Variants in PBRM1 observed in about 807,000 individuals in gnomAD.
PBRM1 encodes the protein polybromo 1.
Under a neutral mutation model 194.5 loss-of-function variants are expected in PBRM1, and 27 were observed. That is an observed-to-expected ratio of 0.14 (90% CI 0.10 to 0.19). The LOEUF is 0.19. PBRM1 is among the 10% of genes least tolerant of loss of function. PBRM1 has a pLI of 1.00. For synonymous variants in PBRM1, 655 were observed against 693.2 expected, an observed-to-expected ratio of 0.94 and a Z score of 0.87; for missense variants, 1,466 against 2,077.2, an observed-to-expected ratio of 0.71 and a Z score of 5.72.
chr3:52,587,160 A>G (rs2092508359), intron 19 of PBRM1, among the ~76,000 whole-genome samples, 193 bp downstream of exon 21: 1 of 152,242 alleles, frequency 6.6e-6, no homozygotes, highest in South Asian at 2.1e-4. Flanking sequence ...CAAATAGTGT[A>G]AGCAGCAAGT....
chr3:52,599,125 G>A (rs944868805), intron 17 of PBRM1, among the ~76,000 whole-genome samples: 1 of 152,160 alleles, frequency 6.6e-6, no homozygotes, highest in Admixed American at 6.5e-5. Flanking sequence ...AGGAGGTTGA[G>A]GGTGTAGTGA....
intron 17 of PBRM1, among the ~76,000 whole-genome samples, chr3:52,595,921 T>C (rs2093492816): frequency 6.6e-6 from 1 of 152,196 alleles, no homozygotes; most frequent in Non-Finnish European, 1.5e-5. Context: ...TGTATATTCT[T>C]GGCACTGTTG....
intron 16 of PBRM1, among the ~76,000 whole-genome samples, chr3:52,608,228 G>A (rs1327856167): frequency 1.3e-5 from 2 of 152,188 alleles, no homozygotes; most frequent in East Asian, 1.9e-4. Flanking sequence ...CCTGGTAACT[G>A]GCTCAGGAGT....
At chr3:52,578,245 C>A (rs1394180125) in intron 21 of PBRM1, among the ~76,000 whole-genome samples, 1 of 152,200 alleles carries the variant, frequency 6.6e-6, no homozygotes, top group Non-Finnish European at 1.5e-5. Flanking sequence ...CGTATCATGA[C>A]CTAACATACT....
At chr3:52,648,515 C>A (rs2096393314) in intron 6 of PBRM1, 73 bp from the exon 8 acceptor site, 1 of 739,840 alleles carries the variant, frequency 1.4e-6, no homozygotes, top group South Asian at 1.9e-5. Flanking sequence ...AAAAAGAACC[C>A]CACATATTTC....
upstream of PBRM1, among the ~76,000 whole-genome samples, chr3:52,680,126 C>A (rs1407225749): frequency 6.6e-6 from 1 of 152,114 alleles, no homozygotes; most frequent in African/African-American, 2.4e-5. Flanking sequence ...AAGGTATCCA[C>A]CTCTGGAGTC....
intron 17 of PBRM1, among the ~76,000 whole-genome samples, chr3:52,595,926 C>T (rs1473156494): frequency 6.6e-6 from 1 of 152,140 alleles, no homozygotes. Flanking sequence ...ATTCTTGGCA[C>T]TGTTGTCAAA....
intron 12 of PBRM1, among the ~76,000 whole-genome samples, chr3:52,628,452 A>G (rs925398430): frequency 7.1e-6 from 1 of 140,792 alleles, no homozygotes; most frequent in Non-Finnish European, 1.5e-5. Context: ...TAAAATACAT[A>G]TTTTATATAT....
chr3:52,556,456 A>G (rs1260512625), intron 26 of PBRM1, among the ~76,000 whole-genome samples: 2 of 152,330 alleles, frequency 1.3e-5, no homozygotes, highest in African/African-American at 4.8e-5. Flanking sequence ...ATTTAGGGTT[A>G]AGTAGGCGGG....
At chr3:52,571,665 G>A (rs1458711737) in intron 22 of PBRM1, among the ~76,000 whole-genome samples, 1 of 147,694 alleles carries the variant, frequency 6.8e-6, no homozygotes, top group African/African-American at 2.5e-5. Context: ...TTTATTCCTA[G>A]GTATTGAATG....
chr3:52,619,804 T>A (rs999503783), intron 13 of PBRM1, among the ~76,000 whole-genome samples: 1 of 152,220 alleles, frequency 6.6e-6, no homozygotes, highest in African/African-American at 2.4e-5. Flanking sequence ...AAAATAAACA[T>A]CTATCCTTAA....
At chr3:52,549,858 T>C (rs1335115915) in intron 29 of PBRM1, among the ~76,000 whole-genome samples, 3 of 151,764 alleles carry the variant, frequency 2.0e-5, no homozygotes, top group Non-Finnish European at 4.4e-5. Context: ...TAAGTCGAGA[T>C]TGTACCACTG....
At chr3:52,570,583 G>A (rs954767740) in intron 22 of PBRM1, among the ~76,000 whole-genome samples, 2 of 152,158 alleles carry the variant, frequency 1.3e-5, no homozygotes, top group African/African-American at 4.8e-5. Flanking sequence ...TGGTATCTCT[G>A]TGTCCTGACT....
intron 26 of PBRM1, 60 bp from the exon 29 acceptor site, chr3:52,554,939 T>C (rs767751485): frequency 1.5e-5 from 22 of 1,443,106 alleles, no homozygotes; most frequent in Non-Finnish European, 2.1e-5. Context: ...AGCTAAGTAA[T>C]AACAACCAAC....
At chr3:52,684,588 T>G (rs1264455158), upstream of PBRM1, among the ~76,000 whole-genome samples, 1 of 152,240 alleles carries the variant, frequency 6.6e-6, no homozygotes, top group Non-Finnish European at 1.5e-5. Flanking sequence ...AGTTACCTAT[T>G]ATTTTTTACC....
intron 10 of PBRM1, among the ~76,000 whole-genome samples, chr3:52,641,589 C>T (rs1233308365): frequency 6.6e-6 from 1 of 151,204 alleles, no homozygotes; most frequent in Non-Finnish European, 1.5e-5. Flanking sequence ...GAAAGACAAG[C>T]CAAGAAGAAA....
intron 13 of PBRM1, among the ~76,000 whole-genome samples, chr3:52,619,227 G>T (rs2095143898): frequency 6.6e-6 from 1 of 152,134 alleles, no homozygotes; most frequent in Non-Finnish European, 1.5e-5. Context: ...ATTTACTAAG[G>T]TCCTATAGTA....
In PBRM1 at chr3:52,609,942, G is replaced by T; in HGVS notation, c.1938C>A (p.Gly646=). The T allele has an allele frequency of 6.6e-7, 1 of 1,505,702 alleles. No individual in the cohort carries two copies. Among genetic ancestry groups the T allele is most frequent in the Non-Finnish European group, 8.9e-7 (1 of 1,124,202 alleles). The allele number at this position is 1,505,702 out of a possible 1,614,324, so 93.3% of individuals were successfully genotyped here. A position where few individuals can be genotyped will look rare whatever the true frequency, so the allele number is the denominator to read the frequency against. ...TGTATTTTGATTTTTTAGGAGAAAT[G>T]CCACTCTTCCTACCTAAAGAGAGAT... Residue 646 remains glycine, a synonymous_variant, in exon 16 of 30, where the codon GGC becomes GGA. Coordinates refer to ENST00000296302, the Ensembl canonical transcript of PBRM1. The surrounding 1 kb of genome is among the most constrained non-coding windows in gnomAD (Gnocchi z 4.1).
chr3:52,546,636 G>A (rs75386783), downstream of PBRM1: 923 of 231,964 alleles, frequency 4.0e-3, 8 homozygotes, highest in African/African-American at 0.019. Flanking sequence ...AGCAGTGGAA[G>A]CTCTACCACA....
Sources: gnomAD v4.1 joint callset for allele counts (sites outside exome capture counted in the v4.1 genomes callset) on GRCh38, gnomAD v4.1.1 for gene constraint, Gnocchi (gnomAD v3.1) non-coding constraint, MANE v1.5 for transcripts, NCBI Gene and HGNC (gene_info 2026-07-23, HGNC 2026-07-21) for gene names.